Variants in PRKCA observed in about 807,000 individuals in gnomAD.
The protein encoded by PRKCA is protein kinase C alpha, also known as protein kinase C alpha type.
Under a neutral mutation model 87.0 loss-of-function variants are expected in PRKCA, and 27 were observed. The observed-to-expected ratio is 0.31, with a 90% CI of 0.23 to 0.43. The LOEUF is 0.43. PRKCA is among the 20% of genes least tolerant of loss of function. PRKCA has a pLI of 1.00. For missense variants in PRKCA, 518 were observed against 852.3 expected, an observed-to-expected ratio of 0.61 and a Z score of 4.88; for synonymous variants, 329 against 311.1, an observed-to-expected ratio of 1.06 and a Z score of -0.61.
At chr17:66,508,168 G>A (rs1335645115) in intron 3 of PRKCA, among the ~76,000 whole-genome samples, 1 of 152,140 alleles carries the variant, frequency 6.6e-6, no homozygotes, top group Non-Finnish European at 1.5e-5. Flanking sequence ...CCAGAAGCTG[G>A]GATCCAGCAC....
rs1411319169 is a variant in PRKCA at position 66,803,313 on chromosome 17, C to T, written c.1855-560C>T. Among the ~76,000 whole-genome samples the T allele has an allele frequency of 5.3e-5, 8 of 152,198 alleles. No individual in the cohort carries two copies. The highest frequency in any genetic ancestry group is 2.1e-4 in the South Asian group (1 of 4,826). On this transcript the variant is annotated intron_variant, in intron 16 of 16. Coordinates refer to ENST00000413366, the MANE Select transcript of PRKCA (RefSeq NM_002737.3). This position sits in a 1 kb window ranked among gnomAD's most constrained non-coding sequence, Gnocchi z 4.4. ...CCAGGTGCAAATCTCCCAGCCTTGCCGCCACACCTACCTCATATCGCTTGA... is the reference window on the plus strand; with the variant it reads ...CCAGGTGCAAATCTCCCAGCCTTGCTGCCACACCTACCTCATATCGCTTGA...
At chr17:66,641,189 T>C (rs539324409) in intron 3 of PRKCA, among the ~76,000 whole-genome samples, 166 bp from the exon 4 acceptor site, 9 of 115,126 alleles carry the variant, frequency 7.8e-5, no homozygotes, top group African/African-American at 2.1e-4. Flanking sequence ...AAATATTTAG[T>C]GGCGAAGTCA....
chr17:66,467,283 T>C (rs527593160), intron 2 of PRKCA, among the ~76,000 whole-genome samples: 1 of 152,216 alleles, frequency 6.6e-6, no homozygotes, highest in Non-Finnish European at 1.5e-5. Flanking sequence ...AACGGAGTGA[T>C]GTCAGCTGTA....
chr17:66,422,034 G>A (rs540105382), intron 2 of PRKCA, among the ~76,000 whole-genome samples: 1 of 152,034 alleles, frequency 6.6e-6, no homozygotes, highest in East Asian at 1.9e-4. Context: ...TCCTTGCCTC[G>A]TCGATGCCAT....
chr17:66,340,930 C>T (rs762233525), intron 2 of PRKCA, among the ~76,000 whole-genome samples: 2 of 151,918 alleles, frequency 1.3e-5, no homozygotes, highest in Non-Finnish European at 2.9e-5. Context: ...AGGAGTCAGC[C>T]CAAGGAGAGT....
intron 8 of PRKCA, among the ~76,000 whole-genome samples, chr17:66,731,595 C>CTGAG (rs746718631): frequency 6.6e-6 from 1 of 151,954 alleles, no homozygotes; most frequent in Non-Finnish European, 1.5e-5. Context: ...CGTGGGTTTA[C>CTGAG]TGACCTTCCT....
In PRKCA at chr17:66,480,313, A is replaced by G. The variant is rs1915723140; in HGVS notation, c.206-15888A>G. 3.3e-5 allele frequency among the ~76,000 whole-genome samples: 5 copies of G among 152,076 alleles called. No individual in the cohort carries two copies. In the South Asian group the frequency reaches 1.0e-3, roughly 32 times the overall value. ...AGGCTCCTGGCCCCATTCCTTTGTA[A>G]TTATGTGGTGTTCCACGTCCCTGAT... On this transcript the variant is annotated intron_variant, in intron 2 of 16. Coordinates refer to ENST00000413366, the MANE Select transcript of PRKCA (RefSeq NM_002737.3).
chr17:66,478,242 TTTTG>T (rs754201272), intron 2 of PRKCA, among the ~76,000 whole-genome samples: 3 of 152,134 alleles, frequency 2.0e-5, no homozygotes, highest in Admixed American at 6.6e-5. Flanking sequence ...AATCTGCTTT[TTTTG>T]TTTGTTTATT....
At chr17:66,312,122 C>T (rs889214543) in intron 2 of PRKCA, among the ~76,000 whole-genome samples, 3 of 152,174 alleles carry the variant, frequency 2.0e-5, no homozygotes, top group African/African-American at 7.2e-5. Flanking sequence ...GCTGGGATTA[C>T]AGATGCATGC....
At chr17:66,334,706 C>G (rs1403142746) in intron 2 of PRKCA, among the ~76,000 whole-genome samples, 1 of 152,180 alleles carries the variant, frequency 6.6e-6, no homozygotes, top group East Asian at 1.9e-4. Context: ...GAAGGCTTCT[C>G]AAAACATTAA....
chr17:66,481,210 A>G (rs1442141444), intron 2 of PRKCA, among the ~76,000 whole-genome samples: 1 of 152,038 alleles, frequency 6.6e-6, no homozygotes, highest in Non-Finnish European at 1.5e-5. Context: ...ATGTTCTCTT[A>G]GTGACTCTTT....
In PRKCA at chr17:66,689,704, C is replaced by G. The variant is rs1229099149; in HGVS notation, c.918+657C>G. The stretch of plus-strand genomic sequence containing the variant: ...CTCTCTCCCTTCTCCTCTTCATTTA[C>G]CGACATCTCAGCTTTTAGTAAACGG... On this transcript the variant is annotated intron_variant, in intron 8 of 16. Transcript: ENST00000413366. The surrounding 1 kb of genome is among the most constrained non-coding windows in gnomAD (Gnocchi z 4.1). Among the ~76,000 whole-genome samples, 1 of 152,124 alleles carries G rather than the reference C, an allele frequency of 6.6e-6. No individual in the cohort carries two copies. The highest frequency in any genetic ancestry group is 2.4e-5 in the African/African-American group (1 of 41,442).
At chr17:66,683,497 G>T (rs1457295368) in intron 5 of PRKCA, among the ~76,000 whole-genome samples, 1 of 152,282 alleles carries the variant, frequency 6.6e-6, no homozygotes, top group Admixed American at 6.5e-5. Flanking sequence ...CCAGGGATCA[G>T]TGTTTGACTA....
chr17:66,766,132 G>C (rs1974807497), intron 13 of PRKCA, among the ~76,000 whole-genome samples: 1 of 152,354 alleles, frequency 6.6e-6, no homozygotes, highest in African/African-American at 2.4e-5. Flanking sequence ...GATGAGTGCT[G>C]TCACGAGAAA....
At chr17:66,524,343 A>G (rs899020549) in intron 3 of PRKCA, among the ~76,000 whole-genome samples, 4 of 152,250 alleles carry the variant, frequency 2.6e-5, no homozygotes, top group Non-Finnish European at 4.4e-5. Flanking sequence ...GGAACAATAT[A>G]GGAAGTATCC....
intron 16 of PRKCA, among the ~76,000 whole-genome samples, chr17:66,799,490 G>A (rs868603950): frequency 2.1e-4 from 1 of 4,860 alleles, no homozygotes; most frequent in Admixed American, 2.5e-3. Flanking sequence ...GGTGATGGTG[G>A]TGGTGGTGGT....
intron 10 of PRKCA, among the ~76,000 whole-genome samples, chr17:66,737,294 T>C (rs1290822752): frequency 6.7e-6 from 1 of 148,754 alleles, no homozygotes; most frequent in Non-Finnish European, 1.5e-5. Context: ...ACCCGGGAGG[T>C]GGAGCTTGCA....
At chr17:66,604,763 A>G (rs1421034885) in intron 3 of PRKCA, among the ~76,000 whole-genome samples, 2 of 152,202 alleles carry the variant, frequency 1.3e-5, no homozygotes, top group Non-Finnish European at 2.9e-5. Flanking sequence ...GGGAGTGACA[A>G]CCTAGAATCA....
intron 3 of PRKCA, among the ~76,000 whole-genome samples, chr17:66,624,865 T>A (rs1047205106): frequency 2.6e-5 from 4 of 151,246 alleles, no homozygotes; most frequent in Admixed American, 6.6e-5. Flanking sequence ...TAGAAAAAAA[T>A]TATAAATGAA....
Sources: gnomAD v4.1 joint callset for allele counts (sites outside exome capture counted in the v4.1 genomes callset) on GRCh38, gnomAD v4.1.1 for gene constraint, Gnocchi (gnomAD v3.1) non-coding constraint, MANE v1.5 for transcripts, NCBI Gene and HGNC (gene_info 2026-07-23, HGNC 2026-07-21) for gene names.